The following HEATR3 variants were observed in gnomAD, a reference collection of about 807,000 sequenced individuals.
HEATR3 encodes the protein HEAT repeat containing 3.
In HEATR3, 56 loss-of-function variants were observed where a neutral mutation model predicts 72.8. That is an observed-to-expected ratio of 0.77 (90% CI 0.62 to 0.96). HEATR3 has a LOEUF of 0.96. Among genes scored for constraint, HEATR3 ranks in the 40% least tolerant of loss-of-function variants. The pLI is 0.00. For missense variants in HEATR3, 747 were observed against 831.4 expected (o/e 0.90, Z 1.25); for synonymous variants, 331 against 318.1 (o/e 1.04, Z -0.43).
chr16:50,099,424 G>A (rs969856889), intron 12 of HEATR3, among the ~76,000 whole-genome samples: 1 of 152,168 alleles, frequency 6.6e-6, no homozygotes, highest in Non-Finnish European at 1.5e-5. Context: ...GGGCAACTTT[G>A]TGAGACTTCA....
chr16:50,079,593 G>T (rs1456659598), intron 7 of HEATR3, among the ~76,000 whole-genome samples: 2 of 152,166 alleles, frequency 1.3e-5, no homozygotes, highest in Non-Finnish European at 1.5e-5. Flanking sequence ...GGTGCAGGAA[G>T]CATTTCAGCT....
At chr16:50,093,020 AT>A (rs1193252957) in intron 11 of HEATR3, among the ~76,000 whole-genome samples, 5 of 152,172 alleles carry the variant, frequency 3.3e-5, no homozygotes, top group Admixed American at 2.0e-4. Flanking sequence ...TCACATAATT[AT>A]GTCAAAGGCA....
At chr16:50,078,600 T>G in intron 6 of HEATR3, 141 bp from the exon 7 acceptor site, 3 of 764,062 alleles carry the variant, frequency 3.9e-6, no homozygotes, top group Non-Finnish European at 4.1e-6. Context: ...CTCATTGATA[T>G]TTAATAAATA....
chr16:50,070,182 G>A lies in HEATR3; in HGVS notation c.404G>A (p.Ser135Asn). 1 of 1,566,386 alleles carries A rather than the reference G, an allele frequency of 6.4e-7. No homozygotes were observed. Among genetic ancestry groups the A allele is most frequent in the Non-Finnish European group, 8.8e-7 (1 of 1,140,498 alleles). Reference protein sequence around the residue: ...TPLVALLKECSAGLDSNEMSL... With the variant: ...TPLVALLKECNAGLDSNEMSL... ...AATCATGATATTTGGTTACAGTGTA[G>A]TGCTGGACTGGATTCAAATGAGATG... The change falls in exon 4 of 15, where the codon AGT (serine) becomes AAT (asparagine). Residue 135 changes from serine (S) to asparagine (N), a missense_variant. Physicochemically the swap from Ser to Asn is conservative, Grantham distance 46 (BLOSUM62 1). Transcript: ENST00000299192.
At chr16:50,087,319 T>G (rs1310053765) in intron 11 of HEATR3, among the ~76,000 whole-genome samples, 2 of 152,204 alleles carry the variant, frequency 1.3e-5, no homozygotes, top group Non-Finnish European at 2.9e-5. Context: ...ACGGATTAAT[T>G]TCATATGCAC....
chr16:50,078,162 C>CA (rs1160088350), intron 6 of HEATR3, among the ~76,000 whole-genome samples: 2 of 152,110 alleles, frequency 1.3e-5, no homozygotes, highest in Non-Finnish European at 2.9e-5. Flanking sequence ...CAGGGTGAGA[C>CA]ACTGCACCTG....
At chr16:50,099,229 A>T (rs989560704) in intron 12 of HEATR3, among the ~76,000 whole-genome samples, 1 of 152,186 alleles carries the variant, frequency 6.6e-6, no homozygotes, top group Non-Finnish European at 1.5e-5. Context: ...CTATAGGAAT[A>T]TCAAGTATTT....
At chr16:50,078,572 C>T (rs993259296) in intron 6 of HEATR3, among the ~76,000 whole-genome samples, 169 bp from the exon 7 acceptor site, 2 of 152,196 alleles carry the variant, frequency 1.3e-5, no homozygotes, top group Non-Finnish European at 2.9e-5. Flanking sequence ...TAACTAAGGG[C>T]ACTGCCTCAG....
intron 11 of HEATR3, among the ~76,000 whole-genome samples, chr16:50,086,813 C>T (rs2036997917): frequency 1.3e-5 from 2 of 152,070 alleles, no homozygotes; most frequent in South Asian, 2.1e-4. Context: ...CCTGTAATCC[C>T]AGCTACTCGG....
At chr16:50,089,754 T>C (rs537076617) in intron 11 of HEATR3, among the ~76,000 whole-genome samples, 21 of 152,068 alleles carry the variant, frequency 1.4e-4, no homozygotes, top group Non-Finnish European at 2.6e-4. Context: ...CTGCAATTTC[T>C]GCCCCCCAAG....
chr16:50,096,279 C>G (rs1290498495), intron 12 of HEATR3, among the ~76,000 whole-genome samples: 1 of 128,538 alleles, frequency 7.8e-6, no homozygotes, highest in Non-Finnish European at 1.6e-5. Context: ...GAGCCAAGAT[C>G]ATGCCACTGC....
chr16:50,100,984 T>G (rs997801465), intron 13 of HEATR3, among the ~76,000 whole-genome samples: 8 of 152,196 alleles, frequency 5.3e-5, no homozygotes, highest in Non-Finnish European at 5.9e-5. Flanking sequence ...TAATAATTGC[T>G]GAAGTGTGAG....
Position 50,102,394 on chromosome 16 carries a change from T to C in HEATR3, c.1879T>C (p.Leu627=). The C allele has an allele frequency of 6.2e-7, 1 of 1,614,134 alleles. No individual in the cohort carries two copies. Among genetic ancestry groups the C allele is most frequent in the African/African-American group, 1.3e-5 (1 of 75,048 alleles). Residue 627 remains leucine (L), a synonymous_variant, in exon 14 of 15, where the codon TTA becomes CTA. Coordinates refer to ENST00000299192, the MANE Select transcript of HEATR3 (RefSeq NM_182922.4). The part of the protein sequence containing the change: ...AERASIQIKL[L]SALKEFQPVF... ...AAGAGCCTCGATTCAAATTAAATTA[T>C]TATCTGCTCTGAAAGAATTCCAGCC...
At chr16:50,083,107 C>A (rs893315111) in intron 7 of HEATR3, among the ~76,000 whole-genome samples, 14 of 152,108 alleles carry the variant, frequency 9.2e-5, no homozygotes, top group Non-Finnish European at 1.9e-4. Context: ...GCACTCCAGC[C>A]TAGGCAACAG....
At chr16:50,089,702 TC>T (rs1357986109) in intron 11 of HEATR3, among the ~76,000 whole-genome samples, 26 of 152,144 alleles carry the variant, frequency 1.7e-4, no homozygotes, top group Non-Finnish European at 3.4e-4. Flanking sequence ...GGAGTCTTAC[TC>T]TGTTGCCCAG....
intron 7 of HEATR3, among the ~76,000 whole-genome samples, chr16:50,082,340 C>T (rs902044189): frequency 1.2e-4 from 18 of 151,492 alleles, no homozygotes; most frequent in Middle Eastern, 3.4e-3. Context: ...AAGACTCTGT[C>T]TCCAAAAAAA....
intron 4 of HEATR3, among the ~76,000 whole-genome samples, chr16:50,071,931 G>A (rs1165287388): frequency 6.6e-6 from 1 of 152,092 alleles, no homozygotes; most frequent in Admixed American, 6.6e-5. Flanking sequence ...TTATTAAAAG[G>A]TAGTATAATT....
chr16:50,079,656 T>G (rs554294596), intron 7 of HEATR3, among the ~76,000 whole-genome samples: 82 of 152,106 alleles, frequency 5.4e-4, no homozygotes, highest in Non-Finnish European at 9.3e-4. Flanking sequence ...GGAGAACACT[T>G]TGTTAAGGAG....
chr16:50,067,530 T>C, intron 2 of HEATR3, among the ~76,000 whole-genome samples: 1 of 151,434 alleles, frequency 6.6e-6, no homozygotes. Context: ...GGTAGGTAGG[T>C]GGCTGAGAAG....
Sources: allele counts gnomAD v4.1 joint callset (sites outside exome capture counted in the v4.1 genomes callset), GRCh38; gene constraint gnomAD v4.1.1; transcripts MANE v1.5; gene names NCBI Gene and HGNC (gene_info 2026-07-23, HGNC 2026-07-21).